The following PIGN variants were observed in gnomAD, a reference collection of about 807,000 sequenced individuals.
PIGN encodes phosphatidylinositol glycan anchor biosynthesis class N.
PIGN carries 117 observed loss-of-function variants against 125.4 expected under a neutral mutation model. The observed-to-expected ratio is 0.93, with a 90% confidence interval of 0.80 to 1.09. The LOEUF (loss-of-function observed/expected upper bound fraction) is 1.09. Among genes scored for constraint, PIGN ranks in the 50% least tolerant of loss-of-function variants. The pLI, the probability that PIGN is intolerant of heterozygous loss-of-function variation, is 0.00. For synonymous variants in PIGN, 392 were observed against 377.8 expected, an observed-to-expected ratio of 1.04 and a Z score of -0.44; for missense variants, 1,075 against 1,094.9, an observed-to-expected ratio of 0.98 and a Z score of 0.26.
At chr18:62,103,602 G>C (rs566647566) in intron 20 of PIGN, 2 of 152,120 alleles carry the variant, frequency 1.3e-5, no homozygotes, top group African/African-American at 4.8e-5. Flanking sequence ...CTTAACATCT[G>C]AATAACATAG....
chr18:62,184,493 G>C (rs2037826728), intron 1 of PIGN: 2 of 152,112 alleles, frequency 1.3e-5, no homozygotes, highest in Non-Finnish European at 2.9e-5. Context: ...CCAAACCTCT[G>C]TGTATTGTGG....
rs150854706 is a variant in PIGN at position 62,166,131 on chromosome 18, T to G, written c.-235-2475A>C. 1.3e-4 allele frequency among the ~76,000 whole-genome samples: 20 copies of G among 152,302 alleles called. No homozygotes were observed. In the East Asian group the frequency reaches 3.1e-3, roughly 24 times the overall value. ...CTCAGGATAGCAAGAGGGGATGGAA[T>G]GGAGAGCACAAGTGGAGGAGCTGGG... On this transcript the variant is annotated intron_variant, in intron 1 of 30. Coordinates refer to ENST00000640252, the MANE Select transcript of PIGN (RefSeq NM_176787.5).
intron 30 of PIGN, chr18:62,070,343 G>C (rs1315507627): frequency 4.3e-5 from 17 of 398,170 alleles, no homozygotes; most frequent in Non-Finnish European, 1.8e-5. Context: ...AAGTATAAGA[G>C]ACAAATGAAA....
chr18:62,052,198 T>C (rs1246526695), intron 30 of PIGN: 4 of 151,704 alleles, frequency 2.6e-5, no homozygotes, highest in African/African-American at 9.7e-5. Flanking sequence ...GGTGGAGAGT[T>C]CTGTAGATGT....
At chr18:62,072,556 C>T (rs2032940828) in intron 30 of PIGN, 117 bp downstream of exon 30, 3 of 766,636 alleles carry the variant, frequency 3.9e-6, no homozygotes, top group Non-Finnish European at 6.6e-6. Context: ...TAGGCTACAC[C>T]ATCTAGGTTT....
At position 62,146,098 on chromosome 18, in the gene PIGN, A is replaced by G. The variant is rs1042422648; in HGVS notation, c.806-73T>C. On this transcript the variant is annotated intron_variant, in intron 9 of 30. Transcript: ENST00000640252. ...CTTACAACTAAATATTTTTTAAAAT[A>G]GTTTGTTTTAAAGAGTTGATCCATA... 7.5e-6 allele frequency: 5 copies of G among 666,272 alleles called. No individual in the cohort carries two copies. In the African/African-American group the frequency reaches 9.2e-5, roughly 12 times the overall value. 41.3% of individuals were successfully genotyped at this position (666,272 alleles called of 1,614,324 possible).
At chr18:62,165,642 C>T (rs1371333229) in intron 1 of PIGN, among the ~76,000 whole-genome samples, 2 of 152,124 alleles carry the variant, frequency 1.3e-5, no homozygotes, top group Non-Finnish European at 2.9e-5. Context: ...ATCTTAACTA[C>T]AAGAATGACC....
intron 28 of PIGN, among the ~76,000 whole-genome samples, chr18:62,078,470 C>T (rs544268735): frequency 1.3e-5 from 2 of 152,296 alleles, no homozygotes; most frequent in South Asian, 2.1e-4. Context: ...CTAACCATTA[C>T]GCACACTGCC....
chr18:62,055,502 G>C (rs2031648447), intron 30 of PIGN, among the ~76,000 whole-genome samples: 1 of 152,154 alleles, frequency 6.6e-6, no homozygotes, highest in South Asian at 2.1e-4. Context: ...TTTCTGGGTG[G>C]GAGGGAAGTG....
chr18:62,106,985 C>G lies in PIGN; in HGVS notation c.1674+1G>C, dbSNP rs376355678. 33 of 1,570,796 alleles carry G rather than the reference C, an allele frequency of 2.1e-5. No individual in the cohort carries two copies. The highest frequency in any genetic ancestry group is 2.5e-5 in the Non-Finnish European group (29 of 1,155,112). The stretch of plus-strand genomic sequence containing the variant: ...ATGTTGTAATCTGGTAAGTTACTTA[C>G]TAATACTTCAATTCCCAGGGTAAAG... On this transcript the variant is annotated splice_donor_variant, in intron 18 of 30. Coordinates refer to ENST00000640252, the MANE Select transcript of PIGN (RefSeq NM_176787.5). LOFTEE classifies it high-confidence loss of function.
intron 1 of PIGN, among the ~76,000 whole-genome samples, chr18:62,169,216 C>T (rs1378878468): frequency 6.6e-6 from 1 of 152,176 alleles, no homozygotes; most frequent in Non-Finnish European, 1.5e-5. Flanking sequence ...TCTATTTCTG[C>T]ATCATGTACT....
At chr18:62,153,075 A>G (rs17715613) in intron 7 of PIGN, among the ~76,000 whole-genome samples, 80,225 of 151,732 alleles carry the variant, frequency 0.53, 23,162 homozygotes, top group East Asian at 0.69. Flanking sequence ...CACTTCCTCA[A>G]ATCCATTATG....
In PIGN at chr18:62,045,678, A is replaced by G. The variant is rs900756518; in HGVS notation, c.*178T>C. 3 of 403,010 alleles carry G rather than the reference A, an allele frequency of 7.4e-6. No homozygotes were observed. The highest frequency in any genetic ancestry group is 6.6e-5 in the Admixed American group (1 of 15,050). The allele number at this position is 403,010 out of a possible 1,614,324, so 25.0% of individuals were successfully genotyped here. On this transcript the variant is annotated 3_prime_UTR_variant, in exon 31 of 31. Coordinates refer to ENST00000640252, the MANE Select transcript of PIGN (RefSeq NM_176787.5). ...ACTATTTCATGCCTGCAAAACCTAG[A>G]AAAAAAAAGAAGCTCCTTTGTTCCA...
At chr18:62,017,902 C>T (rs888405488) in intron 23 of PIGN, among the ~76,000 whole-genome samples, 2 of 151,910 alleles carry the variant, frequency 1.3e-5, no homozygotes, top group Admixed American at 1.3e-4. Context: ...AACATTTTAT[C>T]GGGCATATTA....
At chr18:62,109,789 C>A (rs2034801269) in intron 17 of PIGN, 45 bp downstream of exon 17, 2 of 1,532,452 alleles carry the variant, frequency 1.3e-6, no homozygotes. Context: ...ACAGATTTAA[C>A]TGTCAATGAA....
At chr18:62,155,693 G>A (rs894369916) in intron 6 of PIGN, among the ~76,000 whole-genome samples, 8 of 152,190 alleles carry the variant, frequency 5.3e-5, no homozygotes, top group African/African-American at 1.9e-4. Flanking sequence ...AAATAAAAAG[G>A]TCTGACTGGG....
At position 62,024,557 on chromosome 18, in the gene PIGN, C is replaced by A. The variant is rs548206236; in HGVS notation, c.2143-6816G>T. Among the ~76,000 whole-genome samples the A allele has an allele frequency of 2.0e-5, 3 of 152,312 alleles. No individual in the cohort carries two copies. In the South Asian group the frequency reaches 6.2e-4, roughly 32 times the overall value. The stretch of plus-strand genomic sequence containing the variant: ...CTATAGTCCTTCTCAGTCCTTTTCA[C>A]AATTTTCTTTTGCTCTATAACTCCA... On this transcript the variant is annotated intron_variant, in intron 23 of 24. Coordinates refer to the PIGN transcript ENST00000639600.
At chr18:62,125,633 T>C (rs539278540) in intron 14 of PIGN, among the ~76,000 whole-genome samples, 1 of 152,058 alleles carries the variant, frequency 6.6e-6, no homozygotes, top group African/African-American at 2.4e-5. Flanking sequence ...TATACGTGTA[T>C]ACTACAACAG....
At position 62,101,061 on chromosome 18, in the gene PIGN, G is replaced by C. The variant is rs1181206803; in HGVS notation, c.2077+14C>G. 7.2e-7 allele frequency: 1 copy of C among 1,394,310 alleles called. No homozygotes were observed. The highest frequency in any genetic ancestry group is 1.0e-6 in the Non-Finnish European group (1 of 978,810). The allele number at this position is 1,394,310 out of a possible 1,614,324, so 86.4% of individuals were successfully genotyped here. ...GATGTCAAATTACCTCACCTGGTTT[G>C]AGTGGCCTCTTACCTAATGTTGCCC... is the stretch of plus-strand genomic sequence containing the variant. On this transcript the variant is annotated intron_variant, in intron 22 of 30. Coordinates refer to ENST00000640252, the MANE Select transcript of PIGN (RefSeq NM_176787.5).
Sources: allele counts gnomAD v4.1 joint callset (sites outside exome capture counted in the v4.1 genomes callset), GRCh38; gene constraint gnomAD v4.1.1; transcripts MANE v1.5; gene names NCBI Gene and HGNC (gene_info 2026-07-23, HGNC 2026-07-21).